Variants in PFDN1 observed in about 807,000 individuals in gnomAD.
PFDN1 encodes the protein prefoldin subunit 1, also known as prefoldin 1.
Under a neutral mutation model 17.3 loss-of-function variants are expected in PFDN1, and 6 were observed. The ratio of observed to expected loss-of-function variants is 0.35; its 90% CI spans 0.19 to 0.69. PFDN1 has a LOEUF of 0.69. Among genes scored for constraint, PFDN1 ranks in the 30% least tolerant of loss-of-function variants. The pLI is 0.65. For synonymous variants in PFDN1, 58 were observed against 50.1 expected, an observed-to-expected ratio of 1.16 and a Z score of -0.67; for missense variants, 113 against 146.2, an observed-to-expected ratio of 0.77 and a Z score of 1.17.
At chr5:140,277,655 G>C (rs541038644) in intron 3 of PFDN1, among the ~76,000 whole-genome samples, 1 of 152,070 alleles carries the variant, frequency 6.6e-6, no homozygotes, top group South Asian at 2.1e-4. Context: ...TTAAGCCTGG[G>C]AGGTGGAGGC....
intron 3 of PFDN1, among the ~76,000 whole-genome samples, chr5:140,270,125 G>A (rs1477140045): frequency 6.6e-6 from 1 of 152,194 alleles, no homozygotes; most frequent in Non-Finnish European, 1.5e-5. Flanking sequence ...AAACTGATCA[G>A]AGTAAGAATC....
At chr5:140,271,970 A>C (rs911796346) in intron 3 of PFDN1, among the ~76,000 whole-genome samples, 1 of 144,432 alleles carries the variant, frequency 6.9e-6, no homozygotes, top group Non-Finnish European at 1.5e-5. Context: ...ATATTTATAT[A>C]CATAAGATAT....
chr5:140,262,789 T>TAA (rs578061587), intron 3 of PFDN1, among the ~76,000 whole-genome samples: 9 of 143,712 alleles, frequency 6.3e-5, no homozygotes, highest in Middle Eastern at 3.6e-3. Context: ...ATCATTTGTG[T>TAA]AAAAAAAAAA....
chr5:140,298,294 T>C (rs1765683157), intron 2 of PFDN1, among the ~76,000 whole-genome samples: 1 of 152,130 alleles, frequency 6.6e-6, no homozygotes, highest in African/African-American at 2.4e-5. Flanking sequence ...TCCAAAGTCA[T>C]TATTAAATTT....
intron 2 of PFDN1, among the ~76,000 whole-genome samples, chr5:140,298,922 TG>T (rs780183528): frequency 3.3e-5 from 5 of 152,222 alleles, no homozygotes; most frequent in Middle Eastern, 3.4e-3. Context: ...CGCTAATTTT[TG>T]TATTTTTAGT....
At chr5:140,293,459 T>C (rs1376615218) in intron 2 of PFDN1, among the ~76,000 whole-genome samples, 1 of 152,264 alleles carries the variant, frequency 6.6e-6, no homozygotes, top group Admixed American at 6.5e-5. Context: ...AAGTTTATTT[T>C]AGTATGTTTG....
Position 140,245,799 on chromosome 5 carries a change from A to C in PFDN1, c.*175T>G. 1 of 615,838 alleles carries C rather than the reference A, an allele frequency of 1.6e-6. No individual in the cohort carries two copies. The highest frequency in any genetic ancestry group is 2.9e-6 in the Non-Finnish European group (1 of 345,184). The allele number at this position is 615,838 out of a possible 1,614,324, so 38.1% of individuals were successfully genotyped here. On this transcript the variant is annotated 3_prime_UTR_variant, in exon 4 of 4. Transcript: ENST00000261813. ...AGAGGTGGCAGGCAAAGCCGGGTAA[A>C]AACTCCAGGGCTGGGAAGCAAATGG...
chr5:140,261,945 C>T (rs1765071298), intron 3 of PFDN1, among the ~76,000 whole-genome samples: 1 of 152,022 alleles, frequency 6.6e-6, no homozygotes, highest in Non-Finnish European at 1.5e-5. Flanking sequence ...ACGTCACAGC[C>T]GCCCAGCTGC....
chr5:140,287,973 C>A (rs1765522501), intron 2 of PFDN1, among the ~76,000 whole-genome samples: 1 of 152,206 alleles, frequency 6.6e-6, no homozygotes, highest in Non-Finnish European at 1.5e-5. Flanking sequence ...AAACTCTCAT[C>A]CACTGATGGT....
At chr5:140,259,068 C>A (rs898410400) in intron 3 of PFDN1, among the ~76,000 whole-genome samples, 3 of 151,934 alleles carry the variant, frequency 2.0e-5, no homozygotes, top group Non-Finnish European at 4.4e-5. Context: ...GTCATAGAAA[C>A]CAAAAGGAGA....
chr5:140,263,804 G>A (rs1203526780), intron 3 of PFDN1, among the ~76,000 whole-genome samples: 6 of 151,534 alleles, frequency 4.0e-5, no homozygotes, highest in African/African-American at 9.7e-5. Flanking sequence ...GGCAGATCAC[G>A]AGGTCAGGAG....
At chr5:140,275,029 G>T in intron 3 of PFDN1, among the ~76,000 whole-genome samples, 2 of 148,856 alleles carry the variant, frequency 1.3e-5, no homozygotes, top group Non-Finnish European at 1.5e-5. Context: ...AAGTTCTTTT[G>T]TTTTCTTTAT....
chr5:140,250,359 C>G (rs1373709177), intron 3 of PFDN1, among the ~76,000 whole-genome samples: 1 of 152,202 alleles, frequency 6.6e-6, no homozygotes, highest in African/African-American at 2.4e-5. Context: ...TCGCTGTGCT[C>G]TCCATGTAGA....
intron 3 of PFDN1, among the ~76,000 whole-genome samples, chr5:140,274,533 T>C: frequency 6.6e-6 from 1 of 152,198 alleles, no homozygotes; most frequent in East Asian, 1.9e-4. Context: ...TTCTCGTGAA[T>C]AGGATCAGCA....
chr5:140,303,091 G>C lies in PFDN1; in HGVS notation c.-18C>G. On this transcript the variant is annotated 5_prime_UTR_variant, in exon 1 of 4. Transcript: ENST00000261813. The stretch of plus-strand genomic sequence containing the variant: ...GCGGCCATCTTGGTGCACTGTAAGC[G>C]CCTGCGCAGTGGGAGTTGGACTGAA... 6.2e-7 allele frequency: 1 copy of C among 1,607,706 alleles called. No individual in the cohort carries two copies. The highest frequency in any genetic ancestry group is 8.5e-7 in the Non-Finnish European group (1 of 1,174,106).
At chr5:140,275,181 G>C (rs945656337) in intron 3 of PFDN1, among the ~76,000 whole-genome samples, 2 of 152,070 alleles carry the variant, frequency 1.3e-5, no homozygotes, top group Non-Finnish European at 2.9e-5. Context: ...GGCCAAGGCA[G>C]GCAGATCACG....
intron 3 of PFDN1, among the ~76,000 whole-genome samples, chr5:140,280,645 T>C (rs540512515): frequency 6.6e-6 from 1 of 152,328 alleles, no homozygotes; most frequent in Admixed American, 6.5e-5. Context: ...AGTTAGATTC[T>C]GATCCTCTGC....
At chr5:140,294,912 T>C (rs1333028655) in intron 2 of PFDN1, among the ~76,000 whole-genome samples, 1 of 152,028 alleles carries the variant, frequency 6.6e-6, no homozygotes, top group African/African-American at 2.4e-5. Flanking sequence ...TTGTTCATTC[T>C]TAGTTCCTTA....
At chr5:140,283,307 A>G (rs1430179057) in intron 2 of PFDN1, among the ~76,000 whole-genome samples, 1 of 151,940 alleles carries the variant, frequency 6.6e-6, no homozygotes, top group African/African-American at 2.4e-5. Context: ...ATCTTGGCTC[A>G]CTGCAAGCTC....
Sources: allele counts gnomAD v4.1 joint callset (sites outside exome capture counted in the v4.1 genomes callset), GRCh38; gene constraint gnomAD v4.1.1; transcripts MANE v1.5; gene names NCBI Gene and HGNC (gene_info 2026-07-23, HGNC 2026-07-21).